Variants in RUNDC3B observed in about 807,000 individuals in gnomAD.
The protein encoded by RUNDC3B is RUN domain containing 3B.
In RUNDC3B, 33 loss-of-function variants were observed where a neutral mutation model predicts 58.4. The ratio of observed to expected loss-of-function variants is 0.56; its 90% CI spans 0.43 to 0.75. The LOEUF is 0.75. Among genes scored for constraint, RUNDC3B ranks in the 30% least tolerant of loss-of-function variants. The pLI is 0.00. For missense variants in RUNDC3B, 501 were observed against 535.7 expected, an observed-to-expected ratio of 0.94 and a Z score of 0.64; for synonymous variants, 193 against 195.2, an observed-to-expected ratio of 0.99 and a Z score of 0.10.
intron 4 of RUNDC3B, among the ~76,000 whole-genome samples, chr7:87,725,344 G>T (rs1360568659): frequency 6.6e-6 from 1 of 152,102 alleles, no homozygotes; most frequent in African/African-American, 2.4e-5. Flanking sequence ...TGCGGTGTTT[G>T]GTTTTATGTT....
At chr7:87,757,762 T>C (rs1417566082) in intron 6 of RUNDC3B, among the ~76,000 whole-genome samples, 2 of 152,088 alleles carry the variant, frequency 1.3e-5, no homozygotes, top group Admixed American at 6.6e-5. Context: ...GCAAATACTA[T>C]AGAGCTATAG....
intron 2 of RUNDC3B, among the ~76,000 whole-genome samples, chr7:87,665,227 A>G (rs2130478128): frequency 6.6e-6 from 1 of 152,334 alleles, no homozygotes; most frequent in Non-Finnish European, 1.5e-5. Context: ...GTTAGAATTA[A>G]TAAATTCAGT....
At chr7:87,764,255 C>A (rs945338449) in intron 6 of RUNDC3B, among the ~76,000 whole-genome samples, 5 of 151,800 alleles carry the variant, frequency 3.3e-5, no homozygotes, top group Non-Finnish European at 7.4e-5. Context: ...TCCTTACATT[C>A]ATTTTCAGTC....
chr7:87,710,948 C>T (rs1406038818), intron 4 of RUNDC3B, among the ~76,000 whole-genome samples: 2 of 152,130 alleles, frequency 1.3e-5, no homozygotes, highest in African/African-American at 2.4e-5. Flanking sequence ...TAGACTATTC[C>T]CTGATGGATT....
intron 2 of RUNDC3B, among the ~76,000 whole-genome samples, 159 bp downstream of exon 2, chr7:87,651,096 C>A (rs966537107): frequency 1.3e-5 from 2 of 152,116 alleles, no homozygotes; most frequent in Non-Finnish European, 2.9e-5. Context: ...AGCCTCTGTT[C>A]TCAGATTTAC....
chr7:87,786,393 A>G (rs759271305), intron 8 of RUNDC3B, among the ~76,000 whole-genome samples: 7 of 152,132 alleles, frequency 4.6e-5, no homozygotes, highest in Non-Finnish European at 1.0e-4. Context: ...TGATGAAAAG[A>G]ATTATGTTTA....
intron 6 of RUNDC3B, among the ~76,000 whole-genome samples, chr7:87,750,850 G>C (rs1312064771): frequency 1.3e-5 from 2 of 151,224 alleles, no homozygotes; most frequent in Non-Finnish European, 3.0e-5. Flanking sequence ...TCTGATGGTA[G>C]TTTCTTTTGC....
At chr7:87,646,944 C>T (rs996816749) in intron 1 of RUNDC3B, among the ~76,000 whole-genome samples, 2 of 152,042 alleles carry the variant, frequency 1.3e-5, no homozygotes, top group Non-Finnish European at 2.9e-5. Flanking sequence ...TGTTATTTCC[C>T]GTTATTGCAT....
At chr7:87,714,476 C>T (rs1830365662) in intron 4 of RUNDC3B, among the ~76,000 whole-genome samples, 1 of 152,070 alleles carries the variant, frequency 6.6e-6, no homozygotes, top group Non-Finnish European at 1.5e-5. Context: ...TGGAGAAGTA[C>T]AGTATACAGA....
chr7:87,747,488 G>A (rs1330125780), intron 6 of RUNDC3B, among the ~76,000 whole-genome samples: 1 of 152,170 alleles, frequency 6.6e-6, no homozygotes, highest in Non-Finnish European at 1.5e-5. Flanking sequence ...GCATTCCAGA[G>A]AGCATCAGCT....
chr7:87,685,609 A>G (rs1235983184), intron 2 of RUNDC3B, among the ~76,000 whole-genome samples: 1 of 152,226 alleles, frequency 6.6e-6, no homozygotes, highest in Admixed American at 6.5e-5. Flanking sequence ...TTCCATTTAT[A>G]TGACATTCTA....
At chr7:87,686,962 A>G (rs1032138906) in intron 2 of RUNDC3B, among the ~76,000 whole-genome samples, 8 of 151,760 alleles carry the variant, frequency 5.3e-5, no homozygotes, top group African/African-American at 1.7e-4. Context: ...AAAAAAAAAA[A>G]AAAGAAAGAA....
At chr7:87,630,180 C>A (rs1821070432) in intron 1 of RUNDC3B, among the ~76,000 whole-genome samples, 1 of 152,152 alleles carries the variant, frequency 6.6e-6, no homozygotes, top group Admixed American at 6.6e-5. Flanking sequence ...TTTGCAATTT[C>A]TCTGTATTTT....
At position 87,826,905 on chromosome 7, in the gene RUNDC3B, T is replaced by C. The variant is rs150363391; in HGVS notation, c.1226-2980T>C. On this transcript the variant is annotated intron_variant, in intron 10 of 10. Transcript: ENST00000394654. ...AGAAAAGAATGAAGTTGGCATTAGATTTGTCTAGTTGTATAAAGGTAACAA... is the reference window on the plus strand; with the variant it reads ...AGAAAAGAATGAAGTTGGCATTAGACTTGTCTAGTTGTATAAAGGTAACAA... Among the ~76,000 whole-genome samples the C allele has an allele frequency of 1.4e-4, 21 of 152,296 alleles. No homozygotes were observed. The East Asian group carries it at 3.9e-3, about 28-fold the overall frequency.
At chr7:87,803,466 A>G (rs1419043132) in intron 8 of RUNDC3B, among the ~76,000 whole-genome samples, 1 of 152,244 alleles carries the variant, frequency 6.6e-6, no homozygotes, top group Non-Finnish European at 1.5e-5. Flanking sequence ...TACATATAAG[A>G]AACAAAATTT....
At chr7:87,758,173 T>G (rs181053655) in intron 6 of RUNDC3B, among the ~76,000 whole-genome samples, 97 of 152,178 alleles carry the variant, frequency 6.4e-4, no homozygotes, top group Non-Finnish European at 1.1e-3. Context: ...TTTCAAAAAC[T>G]TAGCTGGACA....
At chr7:87,796,826 A>G (rs939797909) in intron 8 of RUNDC3B, among the ~76,000 whole-genome samples, 1 of 152,240 alleles carries the variant, frequency 6.6e-6, no homozygotes, top group Admixed American at 6.5e-5. Context: ...AAAGAACACC[A>G]GACAGTAATT....
At position 87,830,784 on chromosome 7, in the gene RUNDC3B, C is replaced by T. The variant is rs973996110; in HGVS notation, c.*754C>T. The T allele has an allele frequency of 1.3e-5, 2 of 151,030 alleles. No individual in the cohort carries two copies. Among genetic ancestry groups the T allele is most frequent in the Non-Finnish European group, 1.5e-5 (1 of 67,722 alleles). The allele number at this position is 151,030 out of a possible 1,614,324, so 9.4% of individuals were successfully genotyped here. A position where few individuals can be genotyped will look rare whatever the true frequency, so the allele number is the denominator to read the frequency against. On this transcript the variant is annotated 3_prime_UTR_variant, in exon 11 of 11. Coordinates refer to ENST00000394654, the MANE Select transcript of RUNDC3B (RefSeq NM_001134405.2). ...AATTTAAAAGTATGATCAAGTATGC[C>T]TCAAAAACTAGAAACATTTCAAAAT...
At chr7:87,744,132 G>T (rs1032380829) in intron 6 of RUNDC3B, among the ~76,000 whole-genome samples, 10 of 152,032 alleles carry the variant, frequency 6.6e-5, no homozygotes, top group Non-Finnish European at 1.3e-4. Context: ...AAGTATTTGG[G>T]TTTATTTCTG....
Sources: gnomAD v4.1 joint callset for allele counts (sites outside exome capture counted in the v4.1 genomes callset) on GRCh38, gnomAD v4.1.1 for gene constraint, MANE v1.5 for transcripts, NCBI Gene and HGNC (gene_info 2026-07-23, HGNC 2026-07-21) for gene names.